Variants in JARID2 observed in about 807,000 individuals in gnomAD.
JARID2 encodes the protein protein Jumonji.
A neutral mutation model predicts 125.6 loss-of-function variants in JARID2; 21 were observed. That is an observed-to-expected ratio of 0.17 (90% CI 0.12 to 0.24). The LOEUF (loss-of-function observed/expected upper bound fraction) is 0.24. Among genes scored for constraint, JARID2 ranks in the 10% least tolerant of loss-of-function variants. The pLI is 1.00. For missense variants in JARID2, 1,303 were observed against 1,639.6 expected, an observed-to-expected ratio of 0.79 and a Z score of 3.55; for synonymous variants, 736 against 661.6, an observed-to-expected ratio of 1.11 and a Z score of -1.73.
intron 1 of JARID2, among the ~76,000 whole-genome samples, chr6:15,325,044 CT>C (rs147509046): frequency 2.8e-4 from 43 of 151,030 alleles, no homozygotes; most frequent in East Asian, 2.3e-3. Flanking sequence ...TTTATAATTT[CT>C]TTTTTTTTCT....
At chr6:15,258,692 G>T (rs964993746) in intron 1 of JARID2, among the ~76,000 whole-genome samples, 1 of 152,216 alleles carries the variant, frequency 6.6e-6, no homozygotes, top group African/African-American at 2.4e-5. Flanking sequence ...TGAGGCAGGA[G>T]AATTGCTTGA....
chr6:15,316,573 C>T (rs1417086428), intron 1 of JARID2, among the ~76,000 whole-genome samples: 4 of 151,902 alleles, frequency 2.6e-5, no homozygotes, highest in African/African-American at 4.8e-5. Flanking sequence ...CTCTCTCTGT[C>T]GCCCAGGCAG....
chr6:15,424,984 A>G (rs1339213545), intron 3 of JARID2, among the ~76,000 whole-genome samples: 2 of 152,220 alleles, frequency 1.3e-5, no homozygotes, highest in African/African-American at 4.8e-5. Flanking sequence ...TCTCATAGCA[A>G]AATCATTAAG....
intron 1 of JARID2, among the ~76,000 whole-genome samples, chr6:15,272,835 C>T (rs1317128599): frequency 6.6e-6 from 1 of 152,130 alleles, no homozygotes; most frequent in African/African-American, 2.4e-5. Flanking sequence ...GTGGCACTGG[C>T]TATACATTTT....
chr6:15,350,446 GT>G (rs1238289706), intron 1 of JARID2, among the ~76,000 whole-genome samples: 7 of 152,194 alleles, frequency 4.6e-5, no homozygotes, highest in Admixed American at 3.9e-4. Flanking sequence ...GTCTTCATTA[GT>G]AACACGGAGA....
intron 1 of JARID2, among the ~76,000 whole-genome samples, chr6:15,326,783 C>T (rs1762547557): frequency 6.6e-6 from 1 of 152,228 alleles, no homozygotes; most frequent in Non-Finnish European, 1.5e-5. Context: ...TAATAGGCGT[C>T]AGCCACCACG....
chr6:15,281,591 T>G (rs1301135722), intron 1 of JARID2, among the ~76,000 whole-genome samples: 1 of 152,258 alleles, frequency 6.6e-6, no homozygotes, highest in African/African-American at 2.4e-5. Context: ...GGCCCCCCAC[T>G]TCACTTGGGG....
chr6:15,492,500 TTC>T (rs1435525976), intron 6 of JARID2, among the ~76,000 whole-genome samples: 2 of 152,224 alleles, frequency 1.3e-5, no homozygotes, highest in African/African-American at 4.8e-5. Flanking sequence ...TCCTCCATTC[TTC>T]TGTTTCCTTT....
intron 1 of JARID2, among the ~76,000 whole-genome samples, chr6:15,271,723 A>C (rs1158750728): frequency 6.6e-6 from 1 of 152,106 alleles, no homozygotes; most frequent in Non-Finnish European, 1.5e-5. Flanking sequence ...ATGCGGGCCA[A>C]GCACAGTGGC....
chr6:15,365,129 A>G (rs1169669681), intron 1 of JARID2, among the ~76,000 whole-genome samples: 1 of 152,232 alleles, frequency 6.6e-6, no homozygotes, highest in East Asian at 1.9e-4. Flanking sequence ...GAAGTCATAT[A>G]TAGTTGCACA....
chr6:15,422,450 T>C (rs1224460724), intron 3 of JARID2, among the ~76,000 whole-genome samples: 1 of 152,168 alleles, frequency 6.6e-6, no homozygotes, highest in Non-Finnish European at 1.5e-5. Flanking sequence ...TGTCTGAGGT[T>C]GGATAGCACA....
At chr6:15,327,553 G>A (rs964340560) in intron 1 of JARID2, among the ~76,000 whole-genome samples, 7 of 148,882 alleles carry the variant, frequency 4.7e-5, no homozygotes, top group South Asian at 2.2e-4. Context: ...GTGTGTGTGC[G>A]CGTGTGTGTG....
intron 1 of JARID2, among the ~76,000 whole-genome samples, chr6:15,307,445 A>T (rs778114698): frequency 5.9e-5 from 9 of 152,054 alleles, no homozygotes; most frequent in Non-Finnish European, 1.0e-4. Flanking sequence ...CTGGTCTCAG[A>T]CGACATCAGG....
chr6:15,258,607 A>C (rs1046554372), intron 1 of JARID2, among the ~76,000 whole-genome samples: 2 of 152,012 alleles, frequency 1.3e-5, no homozygotes, highest in East Asian at 1.9e-4. Flanking sequence ...CATGGTGAAA[A>C]CCTGTCTCTA....
intron 1 of JARID2, among the ~76,000 whole-genome samples, chr6:15,361,687 C>T (rs751118417): frequency 2.0e-5 from 3 of 151,978 alleles, no homozygotes; most frequent in Non-Finnish European, 2.9e-5. Flanking sequence ...CTTCATTAAA[C>T]CCCCAACTGC....
At chr6:15,293,347 G>C (rs1761294637) in intron 1 of JARID2, among the ~76,000 whole-genome samples, 1 of 152,176 alleles carries the variant, frequency 6.6e-6, no homozygotes, top group Non-Finnish European at 1.5e-5. Context: ...TCCAGGAAGT[G>C]GAGCTTGCGG....
chr6:15,359,867 A>G (rs1001524601), intron 1 of JARID2, among the ~76,000 whole-genome samples: 1 of 151,828 alleles, frequency 6.6e-6, no homozygotes, highest in Non-Finnish European at 1.5e-5. Context: ...TTGTGTTCTT[A>G]GTAGAGATGG....
At chr6:15,383,304 AT>A (rs34764204) in intron 2 of JARID2, among the ~76,000 whole-genome samples, 68,169 of 144,844 alleles carry the variant, frequency 0.47, 15,863 homozygotes, top group African/African-American at 0.56. Flanking sequence ...CCAGGTTGGG[AT>A]TTTTTTTTTT....
chr6:15,247,526 AAT>A, intron 1 of JARID2: 3 of 905,442 alleles, frequency 3.3e-6, no homozygotes, highest in East Asian at 3.2e-4. Context: ...CTTTAAATTA[AAT>A]AACTCTTTTT....
Sources: allele counts gnomAD v4.1 joint callset (sites outside exome capture counted in the v4.1 genomes callset), GRCh38; gene constraint gnomAD v4.1.1; transcripts MANE v1.5; gene names NCBI Gene and HGNC (gene_info 2026-07-23, HGNC 2026-07-21).